Variants in VENTX observed in about 807,000 individuals in gnomAD.
VENTX encodes homeobox protein VENTX.
In VENTX, 13 loss-of-function variants were observed where a neutral mutation model predicts 10.5. The observed-to-expected ratio is 1.23, with a 90% CI of 0.80 to 1.96. The LOEUF (loss-of-function observed/expected upper bound fraction) is 1.96, where lower values mean the gene tolerates loss of function less well. Ranked by LOEUF, VENTX falls within the 30% of genes most tolerant of loss-of-function variation. The pLI is 0.00. For missense variants in VENTX, 400 were observed against 341.8 expected, an observed-to-expected ratio of 1.17 and a Z score of -1.34; for synonymous variants, 177 against 150.4, an observed-to-expected ratio of 1.18 and a Z score of -1.29.
rs769307020 is a variant in VENTX, at chr10:133,240,772, T to C, written c.*466T>C. 1 of 151,946 alleles carries C rather than the reference T, an allele frequency of 6.6e-6. No homozygotes were observed. Among genetic ancestry groups the C allele is most frequent in the Non-Finnish European group, 1.5e-5 (1 of 67,998 alleles). The allele number at this position is 151,946 out of a possible 1,614,324, so 9.4% of individuals were successfully genotyped here. On this transcript the variant is annotated 3_prime_UTR_variant, in exon 3 of 3. Transcript: ENST00000325980. The stretch of plus-strand genomic sequence containing the variant: ...GTTAGCCAGGCTGGTCTCAAACTCC[T>C]GACCCTGTGATCCGCCCGCCTCGGC...
intron 1 of VENTX, among the ~76,000 whole-genome samples, chr10:133,238,658 C>T (rs1845887886): frequency 6.6e-6 from 1 of 152,176 alleles, no homozygotes; most frequent in South Asian, 2.1e-4. Context: ...GGCGGTGACC[C>T]CGATGCCTGC....
chr10:133,238,225 G>A (rs983610449), intron 1 of VENTX, 70 bp downstream of exon 1: 4 of 1,482,928 alleles, frequency 2.7e-6, no homozygotes, highest in East Asian at 2.4e-5. Context: ...CCAGGAGCCC[G>A]GCGGCTGCAC....
chr10:133,239,579 C>A, intron 1 of VENTX, 97 bp from the exon 2 acceptor site: 1 of 1,457,940 alleles, frequency 6.9e-7, no homozygotes, highest in African/African-American at 1.4e-5. Flanking sequence ...CTGCCCTGCC[C>A]AGCCCCCAGC....
Position 133,237,865 on chromosome 10 carries a change from C to T in VENTX, c.-50C>T, listed in dbSNP as rs928837593. On this transcript the variant is annotated 5_prime_UTR_variant, in exon 1 of 3. Transcript: ENST00000325980. ...CGCCTGGCGAGGCCCGAGGTGGATC[C>T]TGCGCCTGGCCAGCCCCGCCTGGCC... 13 of 1,504,548 alleles carry T rather than the reference C, an allele frequency of 8.6e-6. No homozygotes were observed. The highest frequency in any genetic ancestry group is 6.1e-5 in the Admixed American group (3 of 49,074). 93.2% of individuals were successfully genotyped at this position (1,504,548 alleles called of 1,614,324 possible).
In VENTX at chr10:133,241,920, T is replaced by A. The variant is rs2136053089; in HGVS notation, c.*1614T>A. 1 of 152,344 alleles carries A rather than the reference T, an allele frequency of 6.6e-6. No individual in the cohort carries two copies. Among genetic ancestry groups the A allele is most frequent in the South Asian group, 2.1e-4 (1 of 4,814 alleles). The allele number at this position is 152,344 out of a possible 1,614,324, so 9.4% of individuals were successfully genotyped here. A position where few individuals can be genotyped will look rare whatever the true frequency, so the allele number is the denominator to read the frequency against. ...ACGTTGTCCGTGATAAAAGTACAAG[T>A]GCCCCTCACCGCCCGTGGAGATTGC... On this transcript the variant is annotated 3_prime_UTR_variant, in exon 3 of 3. Coordinates refer to ENST00000325980, the MANE Select transcript of VENTX (RefSeq NM_014468.4).
At position 133,240,823 on chromosome 10, in the gene VENTX, A is replaced by G. The variant is rs1175820394; in HGVS notation, c.*517A>G. On this transcript the variant is annotated 3_prime_UTR_variant, in exon 3 of 3. Coordinates refer to ENST00000325980, the MANE Select transcript of VENTX (RefSeq NM_014468.4). ...CTCCCAAAGTGCTGGGATTACAGGCATGAGCCACTGCACCCGGCCCTGAGA... is the reference window on the plus strand; with the variant it reads ...CTCCCAAAGTGCTGGGATTACAGGCGTGAGCCACTGCACCCGGCCCTGAGA... The G allele has an allele frequency of 1.3e-5, 2 of 152,024 alleles. No homozygotes were observed. Among genetic ancestry groups the G allele is most frequent in the Non-Finnish European group, 2.9e-5 (2 of 68,020 alleles). 9.4% of individuals were successfully genotyped at this position (152,024 alleles called of 1,614,324 possible). A position where few individuals can be genotyped will look rare whatever the true frequency, so the allele number is the denominator to read the frequency against.
chr10:133,238,719 G>A (rs1212509356), intron 1 of VENTX, among the ~76,000 whole-genome samples: 1 of 152,216 alleles, frequency 6.6e-6, no homozygotes, highest in Non-Finnish European at 1.5e-5. Flanking sequence ...GTTGTCTGCT[G>A]AGAACAAAGG....
chr10:133,237,968 C>T lies in VENTX; in HGVS notation c.54C>T (p.Gly18=). ...GCCCGCAGCAGCTCTCCAGCTTTGG[C>T]TCCGTGGACTGGCTCTCCCAGAGCA... The part of the protein sequence containing the change: ...PRGPQQLSSF[G]SVDWLSQSSC... Residue 18 remains glycine, a synonymous_variant, in exon 1 of 3, where the codon GGC becomes GGT. Coordinates refer to ENST00000325980, the MANE Select transcript of VENTX (RefSeq NM_014468.4). The T allele has an allele frequency of 6.2e-7, 1 of 1,600,574 alleles. No individual in the cohort carries two copies. Among genetic ancestry groups the T allele is most frequent in the Non-Finnish European group, 8.5e-7 (1 of 1,177,642 alleles).
rs1252070125 is a variant in VENTX at position 133,241,827 on chromosome 10, G to A, written c.*1521G>A. 1 of 152,336 alleles carries A rather than the reference G, an allele frequency of 6.6e-6. No individual in the cohort carries two copies. The highest frequency in any genetic ancestry group is 2.1e-4 in the South Asian group (1 of 4,838). The allele number at this position is 152,336 out of a possible 1,614,324, so 9.4% of individuals were successfully genotyped here. ...AGAAGCCTGGGCGAGGCCCTCGGAG[G>A]GCAGCAGCTGGACAGGGACTACTGG... On this transcript the variant is annotated 3_prime_UTR_variant, in exon 3 of 3. Coordinates refer to ENST00000325980, the MANE Select transcript of VENTX (RefSeq NM_014468.4).
intron 1 of VENTX, among the ~76,000 whole-genome samples, chr10:133,239,427 G>A (rs778385248): frequency 3.3e-5 from 5 of 152,230 alleles, no homozygotes; most frequent in Admixed American, 6.5e-5. Flanking sequence ...GGGATGGGGC[G>A]GAACTGAGTG....
rs779239142 is a variant in VENTX, at chr10:133,239,673, C to G, written c.242-3C>G. ...AGCCAAATGCCCTTACCCTCTATGT[C>G]AGGGTTGAGTAAGGAGCCAAATACC... is the stretch of plus-strand genomic sequence containing the variant. On this transcript the variant is annotated splice_polypyrimidine_tract_variant and splice_region_variant and intron_variant, in intron 1 of 2. Coordinates refer to ENST00000325980, the MANE Select transcript of VENTX (RefSeq NM_014468.4). The G allele has an allele frequency of 2.5e-6, 4 of 1,610,956 alleles. No individual in the cohort carries two copies. Among genetic ancestry groups the G allele is most frequent in the Non-Finnish European group, 3.4e-6 (4 of 1,180,006 alleles).
intron 1 of VENTX, among the ~76,000 whole-genome samples, chr10:133,238,471 C>T (rs1355290020): frequency 2.0e-5 from 3 of 152,182 alleles, no homozygotes; most frequent in Admixed American, 2.0e-4. Flanking sequence ...AAGGGGTCCC[C>T]GTCCGCACCT....
In VENTX at chr10:133,238,281, A is replaced by G. The variant is rs530045055; in HGVS notation, c.241+126A>G. 14 of 1,273,330 alleles carry G rather than the reference A, an allele frequency of 1.1e-5. No individual in the cohort carries two copies. The East Asian group carries it at 1.7e-4, about 15-fold the overall frequency. 78.9% of individuals were successfully genotyped at this position (1,273,330 alleles called of 1,614,324 possible). On this transcript the variant is annotated intron_variant, in intron 1 of 2. Coordinates refer to ENST00000325980, the MANE Select transcript of VENTX (RefSeq NM_014468.4). ...CTAGGTCAGGGCCGGGGGCGTTTCC[A>G]TGAGGGCCGGCGGAGGCCTTGCCGG... is the stretch of plus-strand genomic sequence containing the variant.
rs1427845677 is a variant in VENTX at position 133,240,538 on chromosome 10, A to ATATT, written c.*233_*234insATTT. On this transcript the variant is annotated 3_prime_UTR_variant, in exon 3 of 3. Transcript: ENST00000325980. ...CATATGTGTGTGTATATATATATAT[A>ATATT]TTTTTTTTTTTTTTTTTTTTTTTGA... 1 of 124,472 alleles carries ATATT rather than the reference A, an allele frequency of 8.0e-6. No individual in the cohort carries two copies. The highest frequency in any genetic ancestry group is 3.2e-5 in the African/African-American group (1 of 31,278). 7.7% of individuals were successfully genotyped at this position (124,472 alleles called of 1,614,324 possible). A position where few individuals can be genotyped will look rare whatever the true frequency, so the allele number is the denominator to read the frequency against.
At chr10:133,238,534 C>T (rs529180851) in intron 1 of VENTX, among the ~76,000 whole-genome samples, 29 of 152,078 alleles carry the variant, frequency 1.9e-4, no homozygotes, top group African/African-American at 6.5e-4. Context: ...TGCCAAGCCC[C>T]CCGCCCCCGC....
Position 133,240,506 on chromosome 10 carries a change from A to G in VENTX, c.*200A>G. 1 of 172,228 alleles carries G rather than the reference A, an allele frequency of 5.8e-6. No homozygotes were observed. The highest frequency in any genetic ancestry group is 1.1e-5 in the Non-Finnish European group (1 of 91,640). The allele number at this position is 172,228 out of a possible 1,614,324, so 10.7% of individuals were successfully genotyped here. On this transcript the variant is annotated 3_prime_UTR_variant, in exon 3 of 3. Coordinates refer to ENST00000325980, the MANE Select transcript of VENTX (RefSeq NM_014468.4). ...TACACATATACGTATATATAAATAT[A>G]TATATACATATGTGTGTGTATATAT...
chr10:133,240,428 T>A lies in VENTX; in HGVS notation c.*122T>A. The A allele has an allele frequency of 2.0e-6, 2 of 976,750 alleles. No homozygotes were observed. Among genetic ancestry groups the A allele is most frequent in the Non-Finnish European group, 2.8e-6 (2 of 715,060 alleles). The allele number at this position is 976,750 out of a possible 1,614,324, so 60.5% of individuals were successfully genotyped here. A position where few individuals can be genotyped will look rare whatever the true frequency, so the allele number is the denominator to read the frequency against. On this transcript the variant is annotated 3_prime_UTR_variant, in exon 3 of 3. Coordinates refer to ENST00000325980, the MANE Select transcript of VENTX (RefSeq NM_014468.4). ...CTCACCCTGACCCACACAAAGGTTCTGGAGATTACTGGAGAATATATATAA... is the reference window on the plus strand; with the variant it reads ...CTCACCCTGACCCACACAAAGGTTCAGGAGATTACTGGAGAATATATATAA...
Position 133,241,873 on chromosome 10 carries a change from AT to A in VENTX, c.*1570del, listed in dbSNP as rs1845938167. 6.6e-6 allele frequency: 1 copy of A among 152,228 alleles called. No individual in the cohort carries two copies. The highest frequency in any genetic ancestry group is 6.5e-5 in the Admixed American group (1 of 15,290). 9.4% of individuals were successfully genotyped at this position (152,228 alleles called of 1,614,324 possible). On this transcript the variant is annotated 3_prime_UTR_variant, in exon 3 of 3. Coordinates refer to ENST00000325980, the MANE Select transcript of VENTX (RefSeq NM_014468.4). The stretch of plus-strand genomic sequence containing the variant: ...ACTGGGTTTGGCCTGGACAGCACTG[AT>A]TTGTGGATGTGGATGGGGGCACGTT...
chr10:133,238,851 C>T (rs1310808115), intron 1 of VENTX, among the ~76,000 whole-genome samples: 1 of 152,164 alleles, frequency 6.6e-6, no homozygotes, highest in African/African-American at 2.4e-5. Context: ...TTTGACTGAT[C>T]CTTATGGAGT....
Sources: gnomAD v4.1 joint callset for allele counts (sites outside exome capture counted in the v4.1 genomes callset) on GRCh38, gnomAD v4.1.1 for gene constraint, MANE v1.5 for transcripts, NCBI Gene and HGNC (gene_info 2026-07-23, HGNC 2026-07-21) for gene names.